The following LIMA1 variants were observed in gnomAD, a reference collection of about 807,000 sequenced individuals.
The protein encoded by LIMA1 is LIM domain and actin binding 1, also known as LIM domain and actin-binding protein 1.
A neutral mutation model predicts 62.6 loss-of-function variants in LIMA1; 52 were observed. The ratio of observed to expected loss-of-function variants is 0.83; its 90% CI spans 0.67 to 1.05. The LOEUF (loss-of-function observed/expected upper bound fraction) is 1.05, where lower values mean the gene tolerates loss of function less well. Ranked by LOEUF, LIMA1 falls within the 50% of genes least tolerant of loss-of-function variation. The pLI, the probability that LIMA1 is intolerant of heterozygous loss-of-function variation, is 0.00. For synonymous variants in LIMA1, 302 were observed against 317.8 expected (o/e 0.95, Z 0.53); for missense variants, 780 against 902.2 (o/e 0.86, Z 1.74).
chr12:50,223,000 T>G (rs1941473376), intron 3 of LIMA1, among the ~76,000 whole-genome samples: 1 of 151,984 alleles, frequency 6.6e-6, no homozygotes, highest in Non-Finnish European at 1.5e-5. Context: ...TAATTACGGA[T>G]AGTGGCAGCA....
chr12:50,250,960 G>C (rs1445252356), intron 1 of LIMA1, among the ~76,000 whole-genome samples: 1 of 152,142 alleles, frequency 6.6e-6, no homozygotes, highest in Non-Finnish European at 1.5e-5. Flanking sequence ...TGTTTTTAAT[G>C]TTTTCTTTTC....
At chr12:50,248,872 A>G in intron 1 of LIMA1, 98 bp from the exon 2 acceptor site, 1 of 681,212 alleles carries the variant, frequency 1.5e-6, no homozygotes, top group East Asian at 2.5e-5. Flanking sequence ...CTTGCAGACC[A>G]CACTCCTCCA....
chr12:50,226,606 C>T (rs993666442), intron 3 of LIMA1, among the ~76,000 whole-genome samples: 5 of 152,156 alleles, frequency 3.3e-5, no homozygotes, highest in Admixed American at 6.5e-5. Flanking sequence ...TTTGGGAGGC[C>T]GAGGCGGGCG....
At chr12:50,192,682 A>T (rs1425429160) in intron 8 of LIMA1, 121 bp from the exon 9 acceptor site, 1 of 681,712 alleles carries the variant, frequency 1.5e-6, no homozygotes, top group East Asian at 2.7e-5. Context: ...ACACCAGGAA[A>T]AACACTGCTT....
chr12:50,220,468 A>T (rs1941422234), intron 4 of LIMA1: 1 of 152,194 alleles, frequency 6.6e-6, no homozygotes, highest in Non-Finnish European at 1.5e-5. Flanking sequence ...GTGTCTCACC[A>T]TATCCTTACA....
At chr12:50,276,800 G>GTCCT (rs1317843590) in intron 1 of LIMA1, among the ~76,000 whole-genome samples, 4 of 152,108 alleles carry the variant, frequency 2.6e-5, no homozygotes, top group Admixed American at 2.6e-4. Context: ...AACCCTGGAG[G>GTCCT]AGGAGGCTAG....
At chr12:50,189,049 T>C (rs1193471351) in intron 9 of LIMA1, 1 of 152,236 alleles carries the variant, frequency 6.6e-6, no homozygotes, top group Non-Finnish European at 1.5e-5. Context: ...GATGGCAGCA[T>C]CAGCCAACCT....
chr12:50,242,219 T>C (rs932007619), intron 2 of LIMA1, among the ~76,000 whole-genome samples: 22 of 151,996 alleles, frequency 1.4e-4, no homozygotes, highest in Admixed American at 2.0e-4. Context: ...GTTTAAGCAA[T>C]GTATTTTCTT....
chr12:50,177,260 T>C lies in LIMA1; in HGVS notation c.2084A>G (p.Lys695Arg), dbSNP rs1337915467. The C allele has an allele frequency of 6.2e-7, 1 of 1,614,110 alleles. No homozygotes were observed. The highest frequency in any genetic ancestry group is 8.5e-7 in the Non-Finnish European group (1 of 1,180,002). Reference protein sequence around the residue: ...DSDEDDNSFLKQQSPQEPKSL... With the variant: ...DSDEDDNSFLRQQSPQEPKSL... ...CTTGGGTTCTTGTGGAGATTGTTGT[T>C]TGAGGAAGCTGTTATCATCTTCATC... Residue 695 changes from lysine (K) to arginine (R), a missense_variant, in exon 11 of 11, where the codon AAA becomes AGA. Transcript: ENST00000341247.
intron 1 of LIMA1, among the ~76,000 whole-genome samples, chr12:50,268,418 C>T (rs1942165648): frequency 1.3e-5 from 2 of 152,064 alleles, no homozygotes; most frequent in South Asian, 2.1e-4. Context: ...TTTTTGCAGA[C>T]CCAGACCCTA....
intron 7 of LIMA1, among the ~76,000 whole-genome samples, chr12:50,198,879 C>T (rs77693076): frequency 0.018 from 2,698 of 152,234 alleles, 81 homozygotes; most frequent in African/African-American, 0.061. Context: ...ATACATAACA[C>T]ACAAATATGA....
intron 1 of LIMA1, among the ~76,000 whole-genome samples, chr12:50,269,099 T>G (rs903686787): frequency 6.6e-6 from 1 of 152,212 alleles, no homozygotes; most frequent in Non-Finnish European, 1.5e-5. Flanking sequence ...ACTCTAAGCC[T>G]TAGTTTCATC....
intron 4 of LIMA1, 56 bp from the exon 5 acceptor site, chr12:50,206,124 A>C (rs1459037083): frequency 7.2e-7 from 1 of 1,383,938 alleles, no homozygotes. Context: ...ATCTTGACGC[A>C]AGGTTCAACT....
At chr12:50,214,277 A>G (rs577885866) in intron 4 of LIMA1, among the ~76,000 whole-genome samples, 77 of 152,318 alleles carry the variant, frequency 5.1e-4, no homozygotes, top group African/African-American at 1.6e-3. Context: ...TAGAAAAACA[A>G]AGACAATTCT....
At chr12:50,192,067 C>G (rs1362497378) in intron 9 of LIMA1, among the ~76,000 whole-genome samples, 8 of 146,480 alleles carry the variant, frequency 5.5e-5, no homozygotes, top group African/African-American at 2.0e-4. Flanking sequence ...CATGGGGGGG[C>G]GGAGGTTACA....
At chr12:50,257,503 T>C (rs867416416) in intron 1 of LIMA1, among the ~76,000 whole-genome samples, 1 of 152,352 alleles carries the variant, frequency 6.6e-6, no homozygotes. Context: ...GCAGTGTTTC[T>C]TGTGATTAGG....
chr12:50,198,978 C>A lies in LIMA1; in HGVS notation c.972+1799G>T, dbSNP rs1940987713. ...ACATAAAGATTTACCCTAGCCCTCTCCTTCCACCTGTCTCTCACTGCTGCC... is the reference window on the plus strand; with the variant it reads ...ACATAAAGATTTACCCTAGCCCTCTACTTCCACCTGTCTCTCACTGCTGCC... On this transcript the variant is annotated intron_variant, in intron 7 of 10. Coordinates refer to ENST00000341247, the MANE Select transcript of LIMA1 (RefSeq NM_016357.5). 4.6e-5 allele frequency among the ~76,000 whole-genome samples: 7 copies of A among 152,342 alleles called. No individual in the cohort carries two copies. The South Asian group carries it at 1.4e-3, about 32-fold the overall frequency.
chr12:50,228,060 G>T (rs988949500), intron 3 of LIMA1, among the ~76,000 whole-genome samples: 1 of 151,814 alleles, frequency 6.6e-6, no homozygotes. Context: ...GGGTTTCACC[G>T]TGTTAGCCAG....
At position 50,221,906 on chromosome 12, in the gene LIMA1, T is replaced by C; in HGVS notation, c.630+115A>G. The C allele has an allele frequency of 2.5e-6, 2 of 816,124 alleles. 1 individual carries two copies. 50.6% of individuals were successfully genotyped at this position (816,124 alleles called of 1,614,324 possible). ...AGACTATTAACTTATCTAACTGGAA[T>C]CAAAAGACATACTGACCACATATTC... On this transcript the variant is annotated intron_variant, in intron 4 of 10. Coordinates refer to ENST00000341247, the MANE Select transcript of LIMA1 (RefSeq NM_016357.5).
Sources: gnomAD v4.1 joint callset for allele counts (sites outside exome capture counted in the v4.1 genomes callset) on GRCh38, gnomAD v4.1.1 for gene constraint, MANE v1.5 for transcripts, NCBI Gene and HGNC (gene_info 2026-07-23, HGNC 2026-07-21) for gene names.